The following GNG4 variants were observed in gnomAD, a reference collection of about 807,000 sequenced individuals.
GNG4 encodes the protein guanine nucleotide-binding protein G(I)/G(S)/G(O) subunit gamma-4.
A neutral mutation model predicts 5.8 loss-of-function variants in GNG4; 4 were observed. The observed-to-expected ratio is 0.69, with a 90% CI of 0.34 to 1.57. GNG4 has a LOEUF of 1.57. Among genes scored for constraint, GNG4 ranks in the 40% most tolerant of loss-of-function variants. The pLI, the probability that GNG4 is intolerant of heterozygous loss-of-function variation, is 0.06. For synonymous variants in GNG4, 29 were observed against 32.9 expected (o/e 0.88, Z 0.41); for missense variants, 96 against 95.1 (o/e 1.01, Z -0.04).
intron 1 of GNG4, among the ~76,000 whole-genome samples, chr1:235,618,506 G>A (rs1471444686): frequency 1.3e-5 from 2 of 151,994 alleles, no homozygotes; most frequent in East Asian, 3.9e-4. Flanking sequence ...GATAACATGA[G>A]TTTCTTTAGC....
At chr1:235,645,167 C>G (rs753885698) in intron 1 of GNG4, among the ~76,000 whole-genome samples, 1 of 152,148 alleles carries the variant, frequency 6.6e-6, no homozygotes, top group Non-Finnish European at 1.5e-5. Flanking sequence ...TGGGGCATGA[C>G]CACCCCATCT....
chr1:235,579,881 T>C (rs1176603833), intron 3 of GNG4, among the ~76,000 whole-genome samples: 2 of 92,570 alleles, frequency 2.2e-5, no homozygotes, highest in Non-Finnish European at 4.3e-5. Context: ...AGGTTGAACA[T>C]AGAGTTACCC....
intron 3 of GNG4, among the ~76,000 whole-genome samples, chr1:235,558,883 G>A (rs1041558116): frequency 6.6e-6 from 1 of 152,148 alleles, no homozygotes; most frequent in African/African-American, 2.4e-5. Flanking sequence ...GGTAGCTTGG[G>A]AACAACTGTG....
intron 3 of GNG4, among the ~76,000 whole-genome samples, chr1:235,568,793 C>CTT (rs10625498): frequency 0.36 from 51,929 of 144,180 alleles, 10,763 homozygotes; most frequent in East Asian, 0.78. Context: ...TTTTTCTTTC[C>CTT]TTTTTTTTTT....
chr1:235,564,135 C>A (rs528028670), intron 3 of GNG4, among the ~76,000 whole-genome samples: 1 of 152,014 alleles, frequency 6.6e-6, no homozygotes, highest in Non-Finnish European at 1.5e-5. Flanking sequence ...ATACAGCTGG[C>A]GGCCATTATC....
At chr1:235,569,994 G>C (rs775761515) in intron 3 of GNG4, among the ~76,000 whole-genome samples, 2 of 152,112 alleles carry the variant, frequency 1.3e-5, no homozygotes, top group Non-Finnish European at 2.9e-5. Flanking sequence ...AGCTGTATTT[G>C]TGTCTGTGTC....
At chr1:235,586,134 AC>A (rs1687753048) in intron 2 of GNG4, among the ~76,000 whole-genome samples, 1 of 152,238 alleles carries the variant, frequency 6.6e-6, no homozygotes, top group Non-Finnish European at 1.5e-5. Context: ...CAGATCAGCC[AC>A]CCAAATCAGA....
rs1687700853 is a variant in GNG4 at position 235,583,802 on chromosome 1, T to C, written c.37A>G (p.Ile13Val). 6.2e-7 allele frequency: 1 copy of C among 1,613,764 alleles called. No individual in the cohort carries two copies. The highest frequency in any genetic ancestry group is 8.5e-7 in the Non-Finnish European group (1 of 1,179,792). ...EGMSNNSTTS[I>V]SQARKAVEQL... ...TCCACAGCTTTCCTGGCTTGGGAGA[T>C]GCTAGTGGTGCTGTTATTAGACATG... The change falls in exon 3 of 4, where the codon ATC becomes GTC. Residue 13 changes from isoleucine to valine, a missense_variant. Physicochemically the swap from Ile to Val is conservative, Grantham distance 29 (BLOSUM62 3). Coordinates refer to ENST00000391854, the MANE Select transcript of GNG4 (RefSeq NM_001098722.2).
At chr1:235,600,416 TTGTG>T (rs570362257) in intron 1 of GNG4, among the ~76,000 whole-genome samples, 20 of 126,334 alleles carry the variant, frequency 1.6e-4, no homozygotes, top group South Asian at 7.7e-4. Flanking sequence ...CGCCTGGCTT[TTGTG>T]TGTGTGTGTG....
chr1:235,581,030 G>A (rs887265941), intron 3 of GNG4, among the ~76,000 whole-genome samples: 1 of 152,044 alleles, frequency 6.6e-6, no homozygotes, highest in African/African-American at 2.4e-5. Context: ...GGGATTACAG[G>A]CGTCAGCCAC....
intron 2 of GNG4, among the ~76,000 whole-genome samples, chr1:235,588,543 C>G (rs1687882524): frequency 6.6e-6 from 1 of 152,112 alleles, no homozygotes. Context: ...GGTATGGACC[C>G]AACTCCTCCC....
chr1:235,583,952 C>T (rs1273748418), intron 2 of GNG4, 104 bp from the exon 3 acceptor site: 1 of 613,048 alleles, frequency 1.6e-6, no homozygotes, highest in African/African-American at 1.9e-5. Context: ...CAGGGAGCAT[C>T]TGGGAGCATG....
chr1:235,617,231 G>A (rs1688609861), intron 1 of GNG4, among the ~76,000 whole-genome samples: 1 of 152,100 alleles, frequency 6.6e-6, no homozygotes, highest in Non-Finnish European at 1.5e-5. Context: ...GAAGATGCAG[G>A]AATCCCTCTT....
At chr1:235,606,696 A>T (rs1688367920) in intron 1 of GNG4, among the ~76,000 whole-genome samples, 1 of 152,120 alleles carries the variant, frequency 6.6e-6, no homozygotes. Context: ...GGACTGATAG[A>T]GATGGAATTC....
chr1:235,560,639 C>A (rs186424932), intron 3 of GNG4, among the ~76,000 whole-genome samples: 1 of 152,192 alleles, frequency 6.6e-6, no homozygotes, highest in African/African-American at 2.4e-5. Flanking sequence ...GAAACAGACA[C>A]GAAGAAGTTT....
Position 235,649,750 on chromosome 1 carries a change from CG to C in GNG4, c.-212del, listed in dbSNP as rs1657616180. On this transcript the variant is annotated 5_prime_UTR_variant, in exon 1 of 4. Coordinates refer to ENST00000391854, the MANE Select transcript of GNG4 (RefSeq NM_001098722.2). The surrounding 1 kb of genome is among the most constrained non-coding windows in gnomAD (Gnocchi z 5.7). ...AGCGGCATCGCTCCGCATCGGGGCG[CG>C]GGCCGGGCTCGGGTGCAAACGCGCG... The C allele has an allele frequency of 6.6e-6, 1 of 150,996 alleles. No homozygotes were observed. Among genetic ancestry groups the C allele is most frequent in the South Asian group, 2.1e-4 (1 of 4,828 alleles). 9.4% of individuals were successfully genotyped at this position (150,996 alleles called of 1,614,324 possible).
chr1:235,607,105 AT>A (rs1003724975), intron 1 of GNG4, among the ~76,000 whole-genome samples: 6 of 150,900 alleles, frequency 4.0e-5, no homozygotes, highest in South Asian at 2.1e-4. Context: ...CACCCAGCTA[AT>A]TTTTTTTTAT....
intron 1 of GNG4, among the ~76,000 whole-genome samples, chr1:235,612,065 CAAAAAAAA>C (rs68070269): frequency 1.5e-4 from 14 of 93,462 alleles, no homozygotes; most frequent in African/African-American, 5.4e-4. Context: ...CTTTGTCTCA[CAAAAAAAA>C]AAAAAAAAAA....
chr1:235,552,318 G>T, intron 3 of GNG4, 81 bp from the exon 4 acceptor site: 2 of 1,249,034 alleles, frequency 1.6e-6, no homozygotes, highest in Non-Finnish European at 2.3e-6. Flanking sequence ...CACGTACAGA[G>T]GGGACAAGCC....
Sources: gnomAD v4.1 joint callset for allele counts (sites outside exome capture counted in the v4.1 genomes callset) on GRCh38, gnomAD v4.1.1 for gene constraint, Gnocchi (gnomAD v3.1) non-coding constraint, MANE v1.5 for transcripts, NCBI Gene and HGNC (gene_info 2026-07-23, HGNC 2026-07-21) for gene names.